Variants in PTPRD observed in about 807,000 individuals in gnomAD.
The protein encoded by PTPRD is protein tyrosine phosphatase receptor type D, also known as receptor-type tyrosine-protein phosphatase delta.
Under a neutral mutation model 214.5 loss-of-function variants are expected in PTPRD, and 34 were observed. That is an observed-to-expected ratio of 0.16 (90% CI 0.12 to 0.21). The LOEUF (loss-of-function observed/expected upper bound fraction) is 0.21, where lower values mean the gene tolerates loss of function less well. Ranked by LOEUF, PTPRD falls within the 10% of genes least tolerant of loss-of-function variation. The pLI, the probability that PTPRD is intolerant of heterozygous loss-of-function variation, is 1.00. For synonymous variants in PTPRD, 1,128 were observed against 845.7 expected, an observed-to-expected ratio of 1.33 and a Z score of -5.79; for missense variants, 2,545 against 2,398.7, an observed-to-expected ratio of 1.06 and a Z score of -1.27.
chr9:9,755,866 A>G (rs374931599), intron 6 of PTPRD, among the ~76,000 whole-genome samples: 3 of 152,056 alleles, frequency 2.0e-5, no homozygotes, highest in South Asian at 4.1e-4. Context: ...TTACATATAT[A>G]AACATAAAAC....
chr9:8,819,027 T>A (rs982937748), intron 11 of PTPRD, among the ~76,000 whole-genome samples: 2 of 152,164 alleles, frequency 1.3e-5, no homozygotes, highest in African/African-American at 2.4e-5. Flanking sequence ...TATTGCCATG[T>A]CAGAAAAAGG....
intron 9 of PTPRD, among the ~76,000 whole-genome samples, chr9:9,299,831 CAA>C (rs1954578510): frequency 6.6e-6 from 1 of 151,240 alleles, no homozygotes; most frequent in Non-Finnish European, 1.5e-5. Flanking sequence ...TGAGGGAAAC[CAA>C]AGTCTTTATG....
chr9:8,755,174 C>T (rs1244016708), intron 11 of PTPRD, among the ~76,000 whole-genome samples: 1 of 150,324 alleles, frequency 6.7e-6, no homozygotes, highest in East Asian at 1.9e-4. Flanking sequence ...CATCAACCAG[C>T]AGTTTCATTA....
chr9:9,796,058 AG>A (rs1302800291), intron 5 of PTPRD, among the ~76,000 whole-genome samples: 1 of 152,100 alleles, frequency 6.6e-6, no homozygotes, highest in Non-Finnish European at 1.5e-5. Context: ...GGTATTTTTC[AG>A]TTTTTTTAAT....
intron 11 of PTPRD, among the ~76,000 whole-genome samples, chr9:8,776,853 A>T (rs1339544769): frequency 6.8e-6 from 1 of 146,714 alleles, no homozygotes; most frequent in Non-Finnish European, 1.5e-5. Flanking sequence ...GTATAATATA[A>T]AAATATTATA....
chr9:9,305,720 A>T (rs1170802069), intron 9 of PTPRD, among the ~76,000 whole-genome samples: 1 of 152,156 alleles, frequency 6.6e-6, no homozygotes, highest in Non-Finnish European at 1.5e-5. Flanking sequence ...TTTTTATAAG[A>T]TAAATGAGAG....
chr9:9,575,602 C>T (rs901330823), intron 7 of PTPRD, among the ~76,000 whole-genome samples: 1 of 150,742 alleles, frequency 6.6e-6, no homozygotes, highest in African/African-American at 2.4e-5. Flanking sequence ...TGCCTGTAGT[C>T]CCAGCTACTC....
chr9:9,797,051 G>C (rs753235567), intron 5 of PTPRD, among the ~76,000 whole-genome samples: 5 of 152,076 alleles, frequency 3.3e-5, no homozygotes, highest in Non-Finnish European at 7.4e-5. Flanking sequence ...TGGGATATCT[G>C]AGAGCAAAGA....
intron 8 of PTPRD, among the ~76,000 whole-genome samples, chr9:9,506,440 T>C (rs1482649957): frequency 6.6e-6 from 1 of 151,400 alleles, no homozygotes; most frequent in African/African-American, 2.4e-5. Context: ...ATGGGTCCAA[T>C]CAATCTTTAG....
chr9:8,441,121 A>G (rs2095533163), intron 34 of PTPRD, among the ~76,000 whole-genome samples: 1 of 152,122 alleles, frequency 6.6e-6, no homozygotes, highest in Non-Finnish European at 1.5e-5. Context: ...ATTTTCACAC[A>G]CAGAAAATAC....
At chr9:10,561,379 G>C (rs969086447) in intron 2 of PTPRD, among the ~76,000 whole-genome samples, 2 of 152,096 alleles carry the variant, frequency 1.3e-5, no homozygotes, top group Non-Finnish European at 2.9e-5. Flanking sequence ...ATTCCCTTTA[G>C]TATGTTTGAT....
chr9:8,866,963 T>C (rs1012329072), intron 11 of PTPRD, among the ~76,000 whole-genome samples: 2 of 152,180 alleles, frequency 1.3e-5, no homozygotes, highest in Admixed American at 6.6e-5. Context: ...CAAAATGTTA[T>C]AAGCGGGGAG....
intron 11 of PTPRD, among the ~76,000 whole-genome samples, chr9:9,016,195 C>T (rs753248092): frequency 6.6e-6 from 1 of 152,140 alleles, no homozygotes; most frequent in Non-Finnish European, 1.5e-5. Context: ...CTCCCTCAAA[C>T]ATTTGTCTTT....
At chr9:8,370,225 CACACACACACACATAT>C (rs763762751) in intron 39 of PTPRD, among the ~76,000 whole-genome samples, 5 of 136,414 alleles carry the variant, frequency 3.7e-5, no homozygotes, top group Admixed American at 2.3e-4. Context: ...CACACACACA[CACACACACACACATAT>C]ATATATATGT....
rs1360572223 is a variant in PTPRD at position 8,521,585 on chromosome 9, G to A, written c.692-39C>T. 7 of 1,593,484 alleles carry A rather than the reference G, an allele frequency of 4.4e-6. 1 individual carries two copies. The South Asian group carries it at 7.9e-5, about 18-fold the overall frequency. ...CAAGGGAAATGATAACATATACAAG[G>A]CAAGAAAAAGTGGATTATTAAACAC... On this transcript the variant is annotated intron_variant, in intron 19 of 45. Coordinates refer to ENST00000381196, the MANE Select transcript of PTPRD (RefSeq NM_002839.4).
rs560143870 is a variant in PTPRD, at chr9:9,105,187, C to T, written c.-143+78117G>A. Among the ~76,000 whole-genome samples the T allele has an allele frequency of 3.0e-4, 46 of 152,096 alleles. No homozygotes were observed. In the South Asian group the frequency reaches 8.1e-3, roughly 27 times the overall value. On this transcript the variant is annotated intron_variant, in intron 10 of 45. Transcript: ENST00000381196. ...TTTTAACTGATGAGGAAAAAGTGGC[C>T]CTGAGAGAAGTGAGAAGTTCAAGGT...
chr9:9,854,803 A>G (rs962826211), intron 5 of PTPRD, among the ~76,000 whole-genome samples: 1 of 152,138 alleles, frequency 6.6e-6, no homozygotes, highest in African/African-American at 2.4e-5. Context: ...TAATTTTGAC[A>G]GTGTTTCTGG....
intron 2 of PTPRD, among the ~76,000 whole-genome samples, chr9:10,401,347 A>T (rs1286664776): frequency 6.6e-6 from 1 of 151,446 alleles, no homozygotes; most frequent in African/African-American, 2.4e-5. Flanking sequence ...TCTCTAGATG[A>T]CAAGTCTATC....
rs2091233178 is a variant in PTPRD, at chr9:9,583,274, CTT to C, written c.-286-8495_-286-8494del. 2.0e-5 allele frequency among the ~76,000 whole-genome samples: 3 copies of C among 152,050 alleles called. No homozygotes were observed. In the South Asian group the frequency reaches 6.2e-4, roughly 32 times the overall value. On this transcript the variant is annotated intron_variant, in intron 7 of 45. Transcript: ENST00000381196. ...ATTTAGCAAGTGGGAATTTATGTCT[CTT>C]AACTGAAAATTTATACATCCTTATG...
Sources: gnomAD v4.1 joint callset for allele counts (sites outside exome capture counted in the v4.1 genomes callset) on GRCh38, gnomAD v4.1.1 for gene constraint, MANE v1.5 for transcripts, NCBI Gene and HGNC (gene_info 2026-07-23, HGNC 2026-07-21) for gene names.